RHOBTB1: variants seen among roughly 807,000 people sequenced by gnomAD.
RHOBTB1 encodes rho-related BTB domain-containing protein 1.
RHOBTB1 carries 40 observed loss-of-function variants against 71.6 expected under a neutral mutation model. The observed-to-expected ratio is 0.56, with a 90% CI of 0.43 to 0.73. RHOBTB1 has a LOEUF of 0.73. Among genes scored for constraint, RHOBTB1 ranks in the 30% least tolerant of loss-of-function variants. RHOBTB1 has a pLI of 0.00. For synonymous variants in RHOBTB1, 319 were observed against 334.9 expected, an observed-to-expected ratio of 0.95 and a Z score of 0.52; for missense variants, 797 against 894.0, an observed-to-expected ratio of 0.89 and a Z score of 1.38.
chr10:60,967,237 G>GA (rs11320147), intron 2 of RHOBTB1, among the ~76,000 whole-genome samples: 9 of 141,662 alleles, frequency 6.4e-5, no homozygotes, highest in Non-Finnish European at 9.1e-5. Flanking sequence ...AGACCAATTA[G>GA]AAAAAAAAAA....
chr10:60,983,048 G>A (rs1312889077), intron 2 of RHOBTB1, among the ~76,000 whole-genome samples: 1 of 152,086 alleles, frequency 6.6e-6, no homozygotes, highest in African/African-American at 2.4e-5. Flanking sequence ...AATTACAAGT[G>A]CTAGATGGTC....
downstream of RHOBTB1, chr10:60,869,320 T>C (rs1049023072): frequency 6.6e-6 from 1 of 152,242 alleles, no homozygotes; most frequent in African/African-American, 2.4e-5. Context: ...AGCTGCTTTG[T>C]TACTGGAGCA....
intron 2 of RHOBTB1, among the ~76,000 whole-genome samples, chr10:60,923,283 A>G (rs1026401741): frequency 6.6e-6 from 1 of 152,226 alleles, no homozygotes; most frequent in Non-Finnish European, 1.5e-5. Context: ...AAAACAGCAG[A>G]AAAAAACTTC....
intron 8 of RHOBTB1, 120 bp from the exon 9 acceptor site, chr10:60,875,162 C>G (rs151001921): frequency 1.4e-6 from 1 of 701,772 alleles, no homozygotes; most frequent in South Asian, 1.6e-5. Context: ...CAGCTCTGGG[C>G]AGGCATCTGA....
intron 2 of RHOBTB1, among the ~76,000 whole-genome samples, chr10:60,955,498 G>T (rs1164363097): frequency 6.6e-6 from 1 of 152,156 alleles, no homozygotes; most frequent in East Asian, 1.9e-4. Context: ...CCTTCTGATT[G>T]AGCAGGGTAA....
intron 8 of RHOBTB1, among the ~76,000 whole-genome samples, chr10:60,876,314 A>T (rs2081051154): frequency 6.6e-6 from 1 of 152,216 alleles, no homozygotes; most frequent in South Asian, 2.1e-4. Context: ...ATATTAAATA[A>T]TCATAACAGT....
intron 2 of RHOBTB1, among the ~76,000 whole-genome samples, chr10:60,929,711 G>T (rs978224541): frequency 1.3e-5 from 2 of 151,920 alleles, no homozygotes; most frequent in African/African-American, 4.8e-5. Flanking sequence ...AGACCAAAAA[G>T]CATATAATAA....
At chr10:60,930,995 A>G (rs1458787357) in intron 2 of RHOBTB1, among the ~76,000 whole-genome samples, 3 of 151,498 alleles carry the variant, frequency 2.0e-5, no homozygotes, top group Non-Finnish European at 4.4e-5. Context: ...AACAGGAAGC[A>G]ATATTGAAGT....
At chr10:60,925,680 A>G (rs1191596274) in intron 2 of RHOBTB1, among the ~76,000 whole-genome samples, 2 of 151,990 alleles carry the variant, frequency 1.3e-5, no homozygotes, top group African/African-American at 2.4e-5. Flanking sequence ...CCAGACTAAG[A>G]AAAAAAAGAA....
intron 4 of RHOBTB1, among the ~76,000 whole-genome samples, chr10:60,893,634 G>A (rs185511429): frequency 1.5e-3 from 224 of 152,164 alleles, no homozygotes; most frequent in Non-Finnish European, 2.2e-3. Flanking sequence ...ATATAACTAG[G>A]CGAGAATTAG....
chr10:60,888,866 C>T lies in RHOBTB1; in HGVS notation c.802G>A (p.Val268Ile). The change falls in exon 6 of 11, where the codon GTT (valine) becomes ATT (isoleucine). Residue 268 changes from valine to isoleucine, a missense_variant. Coordinates refer to ENST00000337910, the MANE Select transcript of RHOBTB1 (RefSeq NM_014836.5). ...CLLDNPLCAD[V>I]LFILQDQEHI... ...TCCTGGTCCTGAAGGATGAACAGAACATCGGCACATAGAGGATTGTCCAGT... is the reference window on the plus strand; with the variant it reads ...TCCTGGTCCTGAAGGATGAACAGAATATCGGCACATAGAGGATTGTCCAGT... The T allele has an allele frequency of 6.2e-7, 1 of 1,614,184 alleles. No homozygotes were observed. Among genetic ancestry groups the T allele is most frequent in the South Asian group, 1.1e-5 (1 of 91,086 alleles).
At chr10:60,996,750 G>C (rs138551351) in intron 1 of RHOBTB1, among the ~76,000 whole-genome samples, 1 of 152,122 alleles carries the variant, frequency 6.6e-6, no homozygotes, top group Non-Finnish European at 1.5e-5. Context: ...GCCAGATTTA[G>C]CAAATAAAAA....
intron 2 of RHOBTB1, among the ~76,000 whole-genome samples, chr10:60,917,543 T>C (rs565331816): frequency 2.0e-4 from 30 of 152,292 alleles, no homozygotes; most frequent in Admixed American, 1.8e-3. Flanking sequence ...TAGGCAGCTG[T>C]CTTCTTGTGG....
chr10:60,877,004 C>T (rs1453511611), intron 8 of RHOBTB1: 2 of 152,218 alleles, frequency 1.3e-5, no homozygotes, highest in Non-Finnish European at 2.9e-5. Context: ...ACAAGACAGG[C>T]ACTGTTTATC....
intron 2 of RHOBTB1, among the ~76,000 whole-genome samples, chr10:60,912,329 G>T (rs2083034893): frequency 6.6e-6 from 1 of 152,074 alleles, no homozygotes; most frequent in Admixed American, 6.5e-5. Context: ...TGCCTCCTGG[G>T]TTCAAGCGAT....
intron 1 of RHOBTB1, among the ~76,000 whole-genome samples, chr10:60,987,924 T>A (rs2086722547): frequency 2.5e-5 from 1 of 40,188 alleles, no homozygotes; most frequent in South Asian, 1.2e-3. Context: ...CTCAACTTTT[T>A]TTTTTTTTTT....
At chr10:60,903,956 A>ATTTCT (rs1052686384) in intron 4 of RHOBTB1, among the ~76,000 whole-genome samples, 3 of 151,824 alleles carry the variant, frequency 2.0e-5, no homozygotes, top group Admixed American at 2.0e-4. Flanking sequence ...CCATAAGGAT[A>ATTTCT]TTTCTTTTCT....
rs1364987737 is a variant in RHOBTB1 at position 60,920,122 on chromosome 10, C to T, written c.-10-8570G>A. 4.0e-5 allele frequency among the ~76,000 whole-genome samples: 6 copies of T among 151,816 alleles called. No homozygotes were observed. In the South Asian group the frequency reaches 6.2e-4, roughly 16 times the overall value. ...TACTTCTGCACAAAGGCCCTTTCCTCGTGCCCTTAACTCACCTGCTGAAAT... is the reference window on the plus strand; with the variant it reads ...TACTTCTGCACAAAGGCCCTTTCCTTGTGCCCTTAACTCACCTGCTGAAAT... On this transcript the variant is annotated intron_variant, in intron 2 of 10. Coordinates refer to ENST00000337910, the MANE Select transcript of RHOBTB1 (RefSeq NM_014836.5).
intron 2 of RHOBTB1, among the ~76,000 whole-genome samples, chr10:60,976,927 T>A (rs2086336405): frequency 6.6e-6 from 1 of 151,954 alleles, no homozygotes; most frequent in African/African-American, 2.4e-5. Flanking sequence ...AACAAGCCAA[T>A]CTTTAGACTT....
Sources: gnomAD v4.1 joint callset for allele counts (sites outside exome capture counted in the v4.1 genomes callset) on GRCh38, gnomAD v4.1.1 for gene constraint, MANE v1.5 for transcripts, NCBI Gene and HGNC (gene_info 2026-07-23, HGNC 2026-07-21) for gene names.